The following CELF2 variants were observed in gnomAD, a reference collection of about 807,000 sequenced individuals.
The protein encoded by CELF2 is CUGBP Elav-like family member 2.
A neutral mutation model predicts 62.6 loss-of-function variants in CELF2; 8 were observed. That is an observed-to-expected ratio of 0.13 (90% CI 0.07 to 0.23). The LOEUF is 0.23. CELF2 is among the 10% of genes least tolerant of loss of function. CELF2 has a pLI of 1.00. For missense variants in CELF2, 333 were observed against 671.0 expected (o/e 0.50, Z 5.56); for synonymous variants, 258 against 250.0 (o/e 1.03, Z -0.30).
At chr10:10,515,929 A>G in the CELF2 span, among the ~76,000 whole-genome samples, 17 of 152,314 alleles carry the variant, frequency 1.1e-4, no homozygotes, top group African/African-American at 4.1e-4. Context: ...GCTTAGTCAT[A>G]AATGAAATAA....
intron 3 of CELF2, among the ~76,000 whole-genome samples, chr10:11,248,284 A>G (rs1205525851): frequency 6.6e-6 from 1 of 152,124 alleles, no homozygotes; most frequent in East Asian, 1.9e-4. Flanking sequence ...CGGACCAGGC[A>G]CCGGGTGTGA....
intron 1 of CELF2, among the ~76,000 whole-genome samples, chr10:11,064,336 A>G (rs1398128940): frequency 1.3e-5 from 2 of 152,186 alleles, no homozygotes; most frequent in East Asian, 3.8e-4. Flanking sequence ...GGCCAGTCCC[A>G]CCAGCACTCC....
chr10:10,580,661 G>C, the CELF2 span, among the ~76,000 whole-genome samples: 1 of 152,144 alleles, frequency 6.6e-6, no homozygotes, highest in South Asian at 2.1e-4. Context: ...ATGATTTTAA[G>C]AAACTAATAC....
At chr10:10,647,692 GA>G in the CELF2 span, among the ~76,000 whole-genome samples, 1 of 152,088 alleles carries the variant, frequency 6.6e-6, no homozygotes, top group Non-Finnish European at 1.5e-5. Flanking sequence ...AATCAGGCAA[GA>G]AAAAATATTT....
the CELF2 span, among the ~76,000 whole-genome samples, chr10:10,531,549 T>C: frequency 6.6e-6 from 1 of 152,142 alleles, no homozygotes; most frequent in Non-Finnish European, 1.5e-5. Flanking sequence ...ATCAGTCTCT[T>C]TGGACTCCAA....
At chr10:10,508,843 T>G in the CELF2 span, among the ~76,000 whole-genome samples, 1 of 151,960 alleles carries the variant, frequency 6.6e-6, no homozygotes. Flanking sequence ...GCCCAGCTAA[T>G]TTTTGTATTT....
chr10:10,927,346 T>TAAAAAACA lies in CELF2; in HGVS notation c.89+7353_89+7354insCAAAAAAA, dbSNP rs1554884890. The TAAAAAACA allele has an allele frequency of 2.8e-4, 24 of 85,844 alleles. No individual in the cohort carries two copies. In the South Asian group the frequency reaches 8.7e-3, roughly 31 times the overall value. The allele number at this position is 85,844 out of a possible 1,614,324, so 5.3% of individuals were successfully genotyped here. ...CACTCAAAGGAGAACCTAGTGACAT[T>TAAAAAACA]AAAAAAAAAAAAAAAAAAAACACCT... On this transcript the variant is annotated intron_variant, in intron 2 of 13. Coordinates refer to the CELF2 transcript ENST00000636488.
intron 1 of CELF2, among the ~76,000 whole-genome samples, chr10:10,871,981 A>G (rs1257729736): frequency 6.6e-6 from 1 of 152,118 alleles, no homozygotes; most frequent in African/African-American, 2.4e-5. Flanking sequence ...AAAAATTTCT[A>G]TTTTGCATTT....
At chr10:10,722,335 T>TA in the CELF2 span, among the ~76,000 whole-genome samples, 105 of 150,330 alleles carry the variant, frequency 7.0e-4, no homozygotes, top group Non-Finnish European at 1.0e-3. Context: ...ATAAAAAACT[T>TA]AAAAAAAAAC....
At chr10:10,622,841 C>G in the CELF2 span, among the ~76,000 whole-genome samples, 3 of 151,756 alleles carry the variant, frequency 2.0e-5, no homozygotes, top group Non-Finnish European at 4.4e-5. Context: ...TGCCTGTAAT[C>G]CCAGCACTTT....
chr10:10,575,425 T>C, the CELF2 span, among the ~76,000 whole-genome samples: 63 of 152,362 alleles, frequency 4.1e-4, no homozygotes, highest in East Asian at 6.0e-3. Flanking sequence ...TGGACATTTA[T>C]TCTCCTAGAA....
chr10:10,523,161 AC>A, the CELF2 span, among the ~76,000 whole-genome samples: 3 of 152,220 alleles, frequency 2.0e-5, no homozygotes, highest in Non-Finnish European at 4.4e-5. Flanking sequence ...AGATCAACCT[AC>A]CAGATTCTTA....
At chr10:10,924,720 A>G (rs1213076801) in intron 2 of CELF2, among the ~76,000 whole-genome samples, 1 of 56,382 alleles carries the variant, frequency 1.8e-5, no homozygotes, top group African/African-American at 7.9e-5. Flanking sequence ...CAGTAACTTG[A>G]TCGCTTTTTT....
In CELF2 at chr10:11,011,152, A is replaced by G. The variant is rs2056392758; in HGVS notation, c.53+5712A>G. On this transcript the variant is annotated intron_variant, in intron 1 of 12. Coordinates refer to the CELF2 transcript ENST00000416382. The surrounding 1 kb of genome is among the most constrained non-coding windows in gnomAD (Gnocchi z 4.6). The stretch of plus-strand genomic sequence containing the variant: ...ATGGGAACAGATGTTGGAAGGAACA[A>G]TAGACAATTTTAAAGCATTATGAAA... The G allele has an allele frequency of 1.3e-5, 2 of 152,056 alleles. No individual in the cohort carries two copies. Among genetic ancestry groups the G allele is most frequent in the South Asian group, 2.1e-4 (1 of 4,818 alleles). 9.4% of individuals were successfully genotyped at this position (152,056 alleles called of 1,614,324 possible).
chr10:10,846,742 C>T (rs1476700012), intron 1 of CELF2, among the ~76,000 whole-genome samples: 1 of 152,240 alleles, frequency 6.6e-6, no homozygotes, highest in Non-Finnish European at 1.5e-5. Context: ...TGCCTGCAAG[C>T]AGAGTGCAGC....
At chr10:11,126,037 G>A (rs1029684189) in intron 1 of CELF2, among the ~76,000 whole-genome samples, 2 of 152,098 alleles carry the variant, frequency 1.3e-5, no homozygotes, top group Non-Finnish European at 2.9e-5. Flanking sequence ...TTCACTTGAC[G>A]TAAAATACTA....
intron 1 of CELF2, among the ~76,000 whole-genome samples, chr10:11,081,099 G>T (rs186473421): frequency 6.6e-6 from 1 of 152,100 alleles, no homozygotes; most frequent in Non-Finnish European, 1.5e-5. Flanking sequence ...GGGGATAGGG[G>T]GCAATTCCAG....
chr10:11,047,911 AT>A (rs2063156529), intron 1 of CELF2, among the ~76,000 whole-genome samples: 1 of 152,176 alleles, frequency 6.6e-6, no homozygotes, highest in Non-Finnish European at 1.5e-5. Flanking sequence ...AACCTGAAGA[AT>A]TTTTTTCTCT....
the CELF2 span, among the ~76,000 whole-genome samples, chr10:10,584,193 G>A: frequency 6.6e-6 from 1 of 152,088 alleles, no homozygotes; most frequent in Non-Finnish European, 1.5e-5. Context: ...GAAAAATTTT[G>A]ACTGAATTAA....
Sources: gnomAD v4.1 joint callset for allele counts (sites outside exome capture counted in the v4.1 genomes callset) on GRCh38, gnomAD v4.1.1 for gene constraint, Gnocchi (gnomAD v3.1) non-coding constraint, MANE v1.5 for transcripts, NCBI Gene and HGNC (gene_info 2026-07-23, HGNC 2026-07-21) for gene names.